TRIM2: variants seen among roughly 807,000 people sequenced by gnomAD.
TRIM2 encodes the protein tripartite motif containing 2.
A neutral mutation model predicts 75.2 loss-of-function variants in TRIM2; 20 were observed. The ratio of observed to expected loss-of-function variants is 0.27; its 90% CI spans 0.19 to 0.39. The LOEUF (loss-of-function observed/expected upper bound fraction) is 0.39, where lower values mean the gene tolerates loss of function less well. TRIM2 is among the 10% of genes least tolerant of loss of function. TRIM2 has a pLI of 1.00. For synonymous variants in TRIM2, 373 were observed against 388.3 expected, an observed-to-expected ratio of 0.96 and a Z score of 0.46; for missense variants, 660 against 990.8, an observed-to-expected ratio of 0.67 and a Z score of 4.48.
intron 6 of TRIM2, among the ~76,000 whole-genome samples, chr4:153,304,732 C>A (rs950084892): frequency 6.6e-6 from 1 of 152,164 alleles, no homozygotes; most frequent in African/African-American, 2.4e-5. Flanking sequence ...TCTCTGAATT[C>A]CAAACTGCTC....
upstream of TRIM2, among the ~76,000 whole-genome samples, chr4:153,200,425 A>T (rs535642873): frequency 6.6e-6 from 1 of 152,134 alleles, no homozygotes; most frequent in East Asian, 1.9e-4. Flanking sequence ...GTGTTTATCC[A>T]TTCATCTTTT....
At chr4:153,204,339 A>G, upstream of TRIM2, 1 of 626,110 alleles carries the variant, frequency 1.6e-6, no homozygotes. Flanking sequence ...CAGAGCCCAA[A>G]GAGGCTGATC....
At chr4:153,257,531 T>C (rs1560897484) in intron 1 of TRIM2, 2 of 1,288,848 alleles carry the variant, frequency 1.6e-6, no homozygotes, top group Non-Finnish European at 2.0e-6. Context: ...TCTCTTCCTC[T>C]GTTCTGTGCA....
chr4:153,204,577 A>G lies in TRIM2; in HGVS notation c.30+17A>G, dbSNP rs1268141041. On this transcript the variant is annotated intron_variant, in intron 1 of 11. Coordinates refer to ENST00000338700, the MANE Select transcript of TRIM2 (RefSeq NM_015271.5). Reference sequence around the variant, plus strand: ...GGAACGCAGGTAAGGACGCTTCTCAATGTGGGATAATTCTTTTTCTGGGCC... The same window carrying G: ...GGAACGCAGGTAAGGACGCTTCTCAGTGTGGGATAATTCTTTTTCTGGGCC... 3.5e-5 allele frequency: 55 copies of G among 1,551,556 alleles called. No individual in the cohort carries two copies. In the Admixed American group the frequency reaches 4.3e-4, roughly 12 times the overall value.
intron 3 of TRIM2, among the ~76,000 whole-genome samples, chr4:153,291,965 A>T (rs182880092): frequency 4.8e-4 from 73 of 152,114 alleles, no homozygotes; most frequent in Non-Finnish European, 7.5e-4. Context: ...CAGCTAAATA[A>T]GTGGTGAAGC....
intron 1 of TRIM2, among the ~76,000 whole-genome samples, chr4:153,252,470 C>T (rs780760884): frequency 9.2e-5 from 14 of 152,144 alleles, no homozygotes; most frequent in Non-Finnish European, 1.3e-4. Context: ...CTGCTCTACC[C>T]GTTTCTGGGT....
chr4:153,286,416 A>T (rs1180901904), intron 3 of TRIM2, among the ~76,000 whole-genome samples: 1 of 152,048 alleles, frequency 6.6e-6, no homozygotes, highest in East Asian at 1.9e-4. Flanking sequence ...GTTCTTCTTA[A>T]AATATTTGGT....
intron 8 of TRIM2, among the ~76,000 whole-genome samples, 165 bp from the exon 9 acceptor site, chr4:153,322,481 CAA>C (rs1456303056): frequency 6.6e-6 from 1 of 152,130 alleles, no homozygotes; most frequent in African/African-American, 2.4e-5. Flanking sequence ...ATGGATGTGA[CAA>C]AGCCAGTTTT....
intron 10 of TRIM2, among the ~76,000 whole-genome samples, chr4:153,325,545 A>G (rs1271269952): frequency 6.6e-6 from 1 of 152,210 alleles, no homozygotes; most frequent in Admixed American, 6.5e-5. Context: ...CCTCCCCAAG[A>G]GTTATAACAG....
At position 153,295,195 on chromosome 4, in the gene TRIM2, T is replaced by A. The variant is rs1350940739; in HGVS notation, c.787-118T>A. The A allele has an allele frequency of 9.5e-6, 13 of 1,370,042 alleles. No individual in the cohort carries two copies. The Admixed American group carries it at 3.5e-4, about 37-fold the overall frequency. The allele number at this position is 1,370,042 out of a possible 1,614,324, so 84.9% of individuals were successfully genotyped here. A position where few individuals can be genotyped will look rare whatever the true frequency, so the allele number is the denominator to read the frequency against. ...GTTCCCTGGGTTGACAAACACCGCT[T>A]GCTCAGAGCCACCTGCGTGGGCAGG... is the stretch of plus-strand genomic sequence containing the variant. On this transcript the variant is annotated intron_variant, in intron 5 of 11. Coordinates refer to ENST00000338700, the MANE Select transcript of TRIM2 (RefSeq NM_015271.5). The surrounding 1 kb of genome is among the most constrained non-coding windows in gnomAD (Gnocchi z 7.2).
In TRIM2 at chr4:153,173,588, G is replaced by A. The variant is rs9714793; in HGVS notation, c.-49+20318G>A. Among the ~76,000 whole-genome samples, 224 of 151,908 alleles carry A rather than the reference G, an allele frequency of 1.5e-3. 2 individuals are homozygous for A. Among genetic ancestry groups the A allele is most frequent in the African/African-American group, 3.8e-3 (157 of 41,414 alleles). On this transcript the variant is annotated intron_variant, in intron 1 of 11. Coordinates refer to the TRIM2 transcript ENST00000437508. ...GAGGCAAGCAGAATCGCTTGAACCC[G>A]GGAGGCGGAGGTTGCAGTGAGCCGA...
intron 1 of TRIM2, among the ~76,000 whole-genome samples, chr4:153,247,768 T>G (rs1749663414): frequency 6.6e-6 from 1 of 152,044 alleles, no homozygotes; most frequent in South Asian, 2.1e-4. Flanking sequence ...TGTATTTTAT[T>G]TGGCTTATGA....
intron 1 of TRIM2, among the ~76,000 whole-genome samples, chr4:153,238,796 T>C (rs1745687153): frequency 6.6e-6 from 1 of 152,110 alleles, no homozygotes; most frequent in Non-Finnish European, 1.5e-5. Context: ...TTGAAGAGGT[T>C]TGGATGCTTT....
At chr4:153,174,211 G>T (rs1731181406) in intron 1 of TRIM2, among the ~76,000 whole-genome samples, 1 of 112,098 alleles carries the variant, frequency 8.9e-6, no homozygotes. Context: ...CAATGGCACT[G>T]CAGTTTGAAG....
At chr4:153,170,457 T>C (rs887995005) in intron 1 of TRIM2, among the ~76,000 whole-genome samples, 21 of 152,132 alleles carry the variant, frequency 1.4e-4, no homozygotes, top group African/African-American at 4.6e-4. Context: ...AGGGGTGGTA[T>C]TGGGGGTGGC....
chr4:153,222,982 G>C (rs1741051536), intron 1 of TRIM2: 1 of 152,298 alleles, frequency 6.6e-6, no homozygotes, highest in South Asian at 2.1e-4. Context: ...CCCGAGGGGT[G>C]AGGCCCAGGC....
chr4:153,181,440 C>T (rs1176146312), intron 1 of TRIM2, among the ~76,000 whole-genome samples: 1 of 152,190 alleles, frequency 6.6e-6, no homozygotes, highest in Non-Finnish European at 1.5e-5. Context: ...CTGTGTCAGG[C>T]TGAGTCACCA....
At chr4:153,160,000 T>C (rs142748131) in intron 1 of TRIM2, among the ~76,000 whole-genome samples, 4 of 152,366 alleles carry the variant, frequency 2.6e-5, no homozygotes, top group African/African-American at 9.6e-5. Context: ...AAGTAAGAGT[T>C]ACAACTTTGC....
chr4:153,188,752 A>G (rs1476730209), intron 1 of TRIM2, among the ~76,000 whole-genome samples: 1 of 151,184 alleles, frequency 6.6e-6, no homozygotes, highest in Non-Finnish European at 1.5e-5. Context: ...CTGAAAACAA[A>G]AAAAAAAAAA....
Sources: gnomAD v4.1 joint callset for allele counts (sites outside exome capture counted in the v4.1 genomes callset) on GRCh38, gnomAD v4.1.1 for gene constraint, Gnocchi (gnomAD v3.1) non-coding constraint, MANE v1.5 for transcripts, NCBI Gene and HGNC (gene_info 2026-07-23, HGNC 2026-07-21) for gene names.